Variants in TIPARP observed in about 807,000 individuals in gnomAD.
TIPARP encodes the protein protein mono-ADP-ribosyltransferase TIPARP.
Under a neutral mutation model 56.5 loss-of-function variants are expected in TIPARP, and 12 were observed. The ratio of observed to expected loss-of-function variants is 0.21; its 90% CI spans 0.14 to 0.34. TIPARP has a LOEUF of 0.34. Among genes scored for constraint, TIPARP ranks in the 10% least tolerant of loss-of-function variants. The probability of loss-of-function intolerance (pLI) is 1.00; values close to 1 mark genes in which losing one functional copy is unlikely to be tolerated. For synonymous variants in TIPARP, 296 were observed against 265.7 expected (o/e 1.11, Z -1.11); for missense variants, 604 against 781.6 (o/e 0.77, Z 2.71).
chr3:156,677,677 C>T lies in TIPARP; in HGVS notation c.-21C>T. On this transcript the variant is annotated 5_prime_UTR_variant, in exon 2 of 6. Coordinates refer to ENST00000295924, the MANE Select transcript of TIPARP (RefSeq NM_015508.5). ...CGTAGGATTTTTAGACTCTGAGGAGCAGTTGGAGCTAATCCACATTATGGA... is the reference window on the plus strand; with the variant it reads ...CGTAGGATTTTTAGACTCTGAGGAGTAGTTGGAGCTAATCCACATTATGGA... The T allele has an allele frequency of 5.2e-6, 8 of 1,535,172 alleles. No individual in the cohort carries two copies. The highest frequency in any genetic ancestry group is 7.0e-6 in the Non-Finnish European group (8 of 1,145,632).
chr3:156,679,624 G>A (rs1722240548), intron 2 of TIPARP, among the ~76,000 whole-genome samples: 1 of 152,212 alleles, frequency 6.6e-6, no homozygotes, highest in Non-Finnish European at 1.5e-5. Context: ...CCTGATTGGG[G>A]AGGCCATGAA....
In TIPARP at chr3:156,678,598, A is replaced by T; in HGVS notation, c.901A>T (p.Met301Leu). 1 of 1,613,436 alleles carries T rather than the reference A, an allele frequency of 6.2e-7. No individual in the cohort carries two copies. The highest frequency in any genetic ancestry group is 8.5e-7 in the Non-Finnish European group (1 of 1,179,646). Residue 301 changes from methionine to leucine, a missense_variant, in exon 2 of 6, where the codon ATG becomes TTG. Physicochemically the swap from Met to Leu is conservative, Grantham distance 15 (BLOSUM62 2). Around this residue, in one of 4 missense-constraint regions of TIPARP, gnomAD observed 252 missense variants for 303.9 expected, o/e 0.83. Coordinates refer to ENST00000295924, the MANE Select transcript of TIPARP (RefSeq NM_015508.5). ...TTACTGTAACCCAGAAAATGATAGA[A>T]TGAGAATGAAGTATGGGTATGTATT... The part of the protein sequence containing the change: ...RFYCNPENDR[M>L]RMKYGGQEFW...
Position 156,678,593 on chromosome 3 carries a change from A to G in TIPARP, c.896A>G (p.Asp299Gly), listed in dbSNP as rs149538633. The G allele has an allele frequency of 1.3e-5, 21 of 1,613,602 alleles. No homozygotes were observed. In the African/African-American group the frequency reaches 1.9e-4, roughly 14 times the overall value. Reference sequence around the variant, plus strand: ...AGATTTTACTGTAACCCAGAAAATGATAGAATGAGAATGAAGTATGGGTAT... The same window carrying G: ...AGATTTTACTGTAACCCAGAAAATGGTAGAATGAGAATGAAGTATGGGTAT... ...LERFYCNPEN[D>G]RMRMKYGGQE... Residue 299 changes from aspartate to glycine, a missense_variant, in exon 2 of 6, where the codon GAT becomes GGT. By Grantham distance (94) the Asp-to-Gly change is moderately conservative (BLOSUM62 -1). This residue lies in a region of TIPARP where 252 missense variants were observed against 303.9 expected (regional missense o/e 0.83). Coordinates refer to ENST00000295924, the MANE Select transcript of TIPARP (RefSeq NM_015508.5).
At chr3:156,694,240 T>A (rs1423799652) in intron 3 of TIPARP, 52 bp downstream of exon 3, 1 of 1,491,304 alleles carries the variant, frequency 6.7e-7, no homozygotes, top group East Asian at 2.4e-5. Context: ...TATTTTTTTC[T>A]TCCTGTATTC....
chr3:156,690,982 T>C (rs913749926), intron 2 of TIPARP, among the ~76,000 whole-genome samples: 6 of 152,182 alleles, frequency 3.9e-5, no homozygotes, highest in African/African-American at 1.4e-4. Flanking sequence ...CTTAAGGCTC[T>C]GACACCCTGG....
At chr3:156,684,236 A>G (rs1577035733) in intron 2 of TIPARP, among the ~76,000 whole-genome samples, 1 of 152,294 alleles carries the variant, frequency 6.6e-6, no homozygotes, top group Non-Finnish European at 1.5e-5. Context: ...CTTAAGGTAA[A>G]GTGAGTTCGA....
chr3:156,676,088 G>A (rs1269364965), intron 1 of TIPARP, among the ~76,000 whole-genome samples: 1 of 152,246 alleles, frequency 6.6e-6, no homozygotes, highest in Admixed American at 6.5e-5. Flanking sequence ...GTGCGCGTGG[G>A]GAAAGCACAG....
chr3:156,705,292 AT>A lies in TIPARP; in HGVS notation c.*162del. On this transcript the variant is annotated 3_prime_UTR_variant, in exon 6 of 6. Coordinates refer to ENST00000295924, the MANE Select transcript of TIPARP (RefSeq NM_015508.5). ...AGAAAATGCTTTTTTTAAAAAAAAAATACAAGTTTTAAAATGACCACTTACT... is the reference window on the plus strand; with the variant it reads ...AGAAAATGCTTTTTTTAAAAAAAAAAACAAGTTTTAAAATGACCACTTACT... The A allele has an allele frequency of 1.7e-6, 1 of 583,954 alleles. No homozygotes were observed. Among genetic ancestry groups the A allele is most frequent in the Non-Finnish European group, 2.9e-6 (1 of 341,616 alleles). The allele number at this position is 583,954 out of a possible 1,614,324, so 36.2% of individuals were successfully genotyped here.
chr3:156,681,984 G>A (rs896811007), intron 2 of TIPARP, among the ~76,000 whole-genome samples: 4 of 152,072 alleles, frequency 2.6e-5, no homozygotes, highest in East Asian at 1.9e-4. Context: ...CTTAGTAGAC[G>A]ATGACATTGG....
At chr3:156,677,010 T>G (rs1415395448) in intron 1 of TIPARP, among the ~76,000 whole-genome samples, 9 of 152,292 alleles carry the variant, frequency 5.9e-5, no homozygotes, top group Non-Finnish European at 7.3e-5. Flanking sequence ...GTAATGTTTT[T>G]GGGGGTTGTA....
chr3:156,695,855 TCCTCCA>T lies in TIPARP; in HGVS notation c.1087-9_1087-4del. 2.0e-6 allele frequency: 3 copies of T among 1,519,168 alleles called. No individual in the cohort carries two copies. The highest frequency in any genetic ancestry group is 2.5e-5 in the East Asian group (1 of 40,464). 94.1% of individuals were successfully genotyped at this position (1,519,168 alleles called of 1,614,324 possible). A position where few individuals can be genotyped will look rare whatever the true frequency, so the allele number is the denominator to read the frequency against. ...TTTTTTTTTTTTTTGTTCTGTTTTC[TCCTCCA>T]TAGTCTGTCATTCGATTGATTGAAG... On this transcript the variant is annotated splice_region_variant and splice_polypyrimidine_tract_variant and intron_variant, in intron 3 of 5. Transcript: ENST00000295924.
At position 156,678,474 on chromosome 3, in the gene TIPARP, G is replaced by A. The variant is rs755425989; in HGVS notation, c.777G>A (p.Lys259=). Residue 259 remains lysine, a synonymous_variant, in exon 2 of 6, where the codon AAG becomes AAA. Transcript: ENST00000295924. ...GTCIYGRDCL[K]HHTVLPYHWQ... is the part of the protein sequence containing the mutation. ...GTATTTATGGCAGGGATTGTTTGAAGCACCACACTGTCTTGCCATATCATT... is the reference window on the plus strand; with the variant it reads ...GTATTTATGGCAGGGATTGTTTGAAACACCACACTGTCTTGCCATATCATT... 3 of 1,614,154 alleles carry A rather than the reference G, an allele frequency of 1.9e-6. No homozygotes were observed. The highest frequency in any genetic ancestry group is 2.5e-6 in the Non-Finnish European group (3 of 1,180,018).
At position 156,700,055 on chromosome 3, in the gene TIPARP, T is replaced by G. The variant is rs1029020962; in HGVS notation, c.1248-3369T>G. Among the ~76,000 whole-genome samples the G allele has an allele frequency of 4.6e-5, 7 of 152,162 alleles. No homozygotes were observed. In the East Asian group the frequency reaches 1.2e-3, roughly 25 times the overall value. ...AATGTTTCTTTTTAAGTGGTTTTTG[T>G]TTTGTTAAATTTTTAAAACTTTTTT... On this transcript the variant is annotated intron_variant, in intron 4 of 5. Transcript: ENST00000295924.
intron 2 of TIPARP, among the ~76,000 whole-genome samples, chr3:156,687,140 C>T (rs1242396071): frequency 6.6e-6 from 1 of 152,180 alleles, no homozygotes; most frequent in African/African-American, 2.4e-5. Flanking sequence ...TCTATCCCAG[C>T]TGTTCTTACA....
At chr3:156,694,633 T>A (rs2108494516) in intron 3 of TIPARP, among the ~76,000 whole-genome samples, 1 of 152,302 alleles carries the variant, frequency 6.6e-6, no homozygotes, top group South Asian at 2.1e-4. Context: ...TACTTGAAAA[T>A]GTTTATTGAG....
chr3:156,704,823 G>A lies in TIPARP; in HGVS notation c.1666G>A (p.Ala556Thr), dbSNP rs1722939843. ...NFDPRVCGKH[A>T]TMFGQGSYFA... ...TGACCCTCGAGTCTGTGGAAAGCATGCTACAATGTTTGGACAAGGCAGTTA... is the reference window on the plus strand; with the variant it reads ...TGACCCTCGAGTCTGTGGAAAGCATACTACAATGTTTGGACAAGGCAGTTA... The change falls in exon 6 of 6, where the codon GCT becomes ACT. Residue 556 changes from alanine to threonine, a missense_variant. By Grantham distance (58) the Ala-to-Thr change is moderately conservative (BLOSUM62 0). Coordinates refer to ENST00000295924, the MANE Select transcript of TIPARP (RefSeq NM_015508.5). 30 of 1,614,124 alleles carry A rather than the reference G, an allele frequency of 1.9e-5. No homozygotes were observed. The highest frequency in any genetic ancestry group is 2.5e-5 in the Non-Finnish European group (30 of 1,180,046).
At position 156,674,637 on chromosome 3, in the gene TIPARP, G is replaced by C. The variant is rs1271176316; in HGVS notation, c.-201G>C. On this transcript the variant is annotated 5_prime_UTR_variant, in exon 1 of 6. Coordinates refer to ENST00000295924, the MANE Select transcript of TIPARP (RefSeq NM_015508.5). ...CTGGCTGGACTCGGAGCGCGGTCGA[G>C]GCTTTCTGCGTTCGCGGCGGCGGAA... 2 of 152,706 alleles carry C rather than the reference G, an allele frequency of 1.3e-5. No individual in the cohort carries two copies. Among genetic ancestry groups the C allele is most frequent in the Non-Finnish European group, 1.5e-5 (1 of 68,156 alleles). 9.5% of individuals were successfully genotyped at this position (152,706 alleles called of 1,614,324 possible).
chr3:156,689,225 A>G (rs559298116), intron 2 of TIPARP, among the ~76,000 whole-genome samples: 1 of 152,136 alleles, frequency 6.6e-6, no homozygotes, highest in Non-Finnish European at 1.5e-5. Context: ...TGTCTTGTTA[A>G]TAGCACCATT....
At chr3:156,704,580 T>A in intron 5 of TIPARP, 104 bp from the exon 6 acceptor site, 1 of 1,237,016 alleles carries the variant, frequency 8.1e-7, no homozygotes. Context: ...TTGCCCTTGA[T>A]AACTCCTCAT....
Sources: allele counts gnomAD v4.1 joint callset (sites outside exome capture counted in the v4.1 genomes callset), GRCh38; gene constraint gnomAD v4.1.1; regional missense constraint gnomAD v4.1.1; transcripts MANE v1.5; gene names NCBI Gene and HGNC (gene_info 2026-07-23, HGNC 2026-07-21).